Variants in GPT2 observed in about 807,000 individuals in gnomAD.
GPT2 encodes alanine aminotransferase 2.
A neutral mutation model predicts 56.9 loss-of-function variants in GPT2; 30 were observed. The ratio of observed to expected loss-of-function variants is 0.53; its 90% confidence interval spans 0.39 to 0.72. GPT2 has a LOEUF of 0.72. Ranked by LOEUF, GPT2 falls within the 30% of genes least tolerant of loss-of-function variation. GPT2 has a pLI of 0.00. For missense variants in GPT2, 542 were observed against 703.4 expected, an observed-to-expected ratio of 0.77 and a Z score of 2.60; for synonymous variants, 271 against 283.1, an observed-to-expected ratio of 0.96 and a Z score of 0.43.
chr16:46,897,181 C>T (rs1960699637), intron 2 of GPT2, among the ~76,000 whole-genome samples: 1 of 152,204 alleles, frequency 6.6e-6, no homozygotes, highest in Non-Finnish European at 1.5e-5. Context: ...TGGAGACCAG[C>T]CTGGCCAACA....
At chr16:46,911,541 T>C (rs1006516414) in intron 6 of GPT2, among the ~76,000 whole-genome samples, 1 of 152,188 alleles carries the variant, frequency 6.6e-6, no homozygotes, top group Non-Finnish European at 1.5e-5. Context: ...TTCTCAATCC[T>C]GGTTGTACGT....
At chr16:46,905,645 G>C (rs1960909980) in intron 4 of GPT2, among the ~76,000 whole-genome samples, 1 of 152,122 alleles carries the variant, frequency 6.6e-6, no homozygotes, top group African/African-American at 2.4e-5. Flanking sequence ...TCTTGCACCT[G>C]TACAAATACA....
chr16:46,885,536 T>G, intron 2 of GPT2: 1 of 985,184 alleles, frequency 1.0e-6, no homozygotes, highest in South Asian at 4.7e-5. Context: ...TCTGGAGCCT[T>G]GGCCGACCAG....
At chr16:46,900,238 T>G (rs1960789446) in intron 3 of GPT2, among the ~76,000 whole-genome samples, 1 of 144,650 alleles carries the variant, frequency 6.9e-6, no homozygotes, top group African/African-American at 2.6e-5. Context: ...GGAAAGGGGG[T>G]GATGAGGAAT....
chr16:46,915,871 ACAC>A (rs1328872581), intron 6 of GPT2: 1 of 143,432 alleles, frequency 7.0e-6, no homozygotes, highest in South Asian at 2.3e-4. Flanking sequence ...CATACACCCC[ACAC>A]CACACTACAA....
intron 5 of GPT2, among the ~76,000 whole-genome samples, 159 bp from the exon 6 acceptor site, chr16:46,909,525 G>A (rs115328011): frequency 0.018 from 2,741 of 152,100 alleles, 85 homozygotes; most frequent in African/African-American, 0.061. Flanking sequence ...CTTACTCCTC[G>A]CAGCTGCCCT....
chr16:46,897,793 G>T, intron 3 of GPT2, 56 bp downstream of exon 3: 1 of 1,504,934 alleles, frequency 6.6e-7, no homozygotes, highest in Non-Finnish European at 9.2e-7. Flanking sequence ...GGCTGGGCGG[G>T]CCGTCATAGG....
In GPT2 at chr16:46,918,661, A is replaced by G; in HGVS notation, c.941A>G (p.His314Arg). The change falls in exon 8 of 12, where the codon CAC becomes CGC. Residue 314 changes from histidine to arginine, a missense_variant. By Grantham distance (29) the His-to-Arg change is conservative (BLOSUM62 0). Transcript: ENST00000340124. ...GTGTACTCTCCAGATTGCAGATTCCACTCCTTCAAGAAGGTGCTGTACGAG... is the reference window on the plus strand; with the variant it reads ...GTGTACTCTCCAGATTGCAGATTCCGCTCCTTCAAGAAGGTGCTGTACGAG... ...DNVYSPDCRF[H>R]SFKKVLYEMG... 1.2e-6 allele frequency: 2 copies of G among 1,613,682 alleles called. No homozygotes were observed. Among genetic ancestry groups the G allele is most frequent in the Non-Finnish European group, 1.7e-6 (2 of 1,179,918 alleles).
chr16:46,902,719 G>A (rs938692238), intron 4 of GPT2, among the ~76,000 whole-genome samples: 6 of 152,038 alleles, frequency 3.9e-5, no homozygotes, highest in Admixed American at 3.3e-4. Flanking sequence ...TCTGCCTCCC[G>A]GGTTCAAGCG....
In GPT2 at chr16:46,929,246, C is replaced by T; in HGVS notation, c.*249C>T. 1 of 475,510 alleles carries T rather than the reference C, an allele frequency of 2.1e-6. No individual in the cohort carries two copies. Among genetic ancestry groups the T allele is most frequent in the Non-Finnish European group, 3.8e-6 (1 of 261,302 alleles). The allele number at this position is 475,510 out of a possible 1,614,324, so 29.5% of individuals were successfully genotyped here. On this transcript the variant is annotated 3_prime_UTR_variant, in exon 12 of 12. Coordinates refer to ENST00000340124, the MANE Select transcript of GPT2 (RefSeq NM_133443.4). The stretch of plus-strand genomic sequence containing the variant: ...GCTCAGCAGGTGTGACCAGGGTTCT[C>T]TGAATCTGTTATTGTTTTTGCTTCT...
At chr16:46,897,035 C>G (rs1394111201) in intron 2 of GPT2, among the ~76,000 whole-genome samples, 1 of 152,148 alleles carries the variant, frequency 6.6e-6, no homozygotes. Flanking sequence ...GCACTTCAGC[C>G]TGAGTGACAG....
At chr16:46,898,996 CACAT>C (rs1960755815) in intron 3 of GPT2, among the ~76,000 whole-genome samples, 1 of 107,900 alleles carries the variant, frequency 9.3e-6, no homozygotes, top group African/African-American at 4.0e-5. Flanking sequence ...ATATATAACA[CACAT>C]ATATATATAT....
At chr16:46,919,195 A>G (rs1156765081) in intron 8 of GPT2, among the ~76,000 whole-genome samples, 1 of 152,238 alleles carries the variant, frequency 6.6e-6, no homozygotes, top group Non-Finnish European at 1.5e-5. Flanking sequence ...GTGTCTGTTC[A>G]TTCAGCTAAT....
intron 3 of GPT2, among the ~76,000 whole-genome samples, chr16:46,898,875 T>TATATATATATATACGTATATATATAC (rs1960740016): frequency 6.9e-6 from 1 of 145,318 alleles, no homozygotes; most frequent in African/African-American, 2.5e-5. Context: ...TATATACATA[T>TATATATATATATACGTATATATATAC]ATATATATAT....
intron 11 of GPT2, among the ~76,000 whole-genome samples, chr16:46,928,185 A>G (rs1961455264): frequency 6.6e-6 from 1 of 152,000 alleles, no homozygotes; most frequent in African/African-American, 2.4e-5. Flanking sequence ...AAAACTAGCC[A>G]GGGATGTTGG....
At position 46,906,924 on chromosome 16, in the gene GPT2, T is replaced by C. The variant is rs751207898; in HGVS notation, c.525T>C (p.Pro175=). The C allele has an allele frequency of 3.7e-6, 6 of 1,614,114 alleles. No individual in the cohort carries two copies. In the Admixed American group the frequency reaches 6.7e-5, roughly 18 times the overall value. The change falls in exon 5 of 12, where the codon CCT becomes CCC. Residue 175 remains proline, a synonymous_variant. Transcript: ENST00000340124. The part of the protein sequence containing the change: ...AYITRRDGGV[P]ADPDNIYLTT... The stretch of plus-strand genomic sequence containing the variant: ...TCACCAGGAGGGATGGCGGTGTGCC[T>C]GCGGACCCCGACAACATCTACCTGA...
intron 2 of GPT2, chr16:46,885,340 G>C (rs1276647812): frequency 1.3e-6 from 1 of 747,840 alleles, no homozygotes. Context: ...AAGTAAAACG[G>C]AAGAGGGTTG....
intron 5 of GPT2, among the ~76,000 whole-genome samples, chr16:46,908,287 T>C (rs1244738102): frequency 6.7e-6 from 1 of 150,246 alleles, no homozygotes; most frequent in Non-Finnish European, 1.5e-5. Context: ...CCTGCAGTCC[T>C]GTGTTTGGGG....
intron 6 of GPT2, among the ~76,000 whole-genome samples, chr16:46,910,405 A>AC (rs1341695580): frequency 6.7e-6 from 1 of 150,350 alleles, no homozygotes; most frequent in East Asian, 1.9e-4. Context: ...AAAAAAAAAA[A>AC]AAACTTAGCC....
Sources: allele counts gnomAD v4.1 joint callset (sites outside exome capture counted in the v4.1 genomes callset), GRCh38; gene constraint gnomAD v4.1.1; transcripts MANE v1.5; gene names NCBI Gene and HGNC (gene_info 2026-07-23, HGNC 2026-07-21).